Variants in ROBO2 observed in about 807,000 individuals in gnomAD.
ROBO2 encodes roundabout homolog 2.
In ROBO2, 53 loss-of-function variants were observed where a neutral mutation model predicts 160.8. The ratio of observed to expected loss-of-function variants is 0.33; its 90% CI spans 0.26 to 0.41. The LOEUF is 0.41. Among genes scored for constraint, ROBO2 ranks in the 10% least tolerant of loss-of-function variants. The pLI is 1.00. For synonymous variants in ROBO2, 664 were observed against 611.7 expected (o/e 1.09, Z -1.26); for missense variants, 1,577 against 1,722.4 (o/e 0.92, Z 1.49).
At chr3:77,608,436 T>C (rs2094566455) in intron 21 of ROBO2, among the ~76,000 whole-genome samples, 1 of 152,152 alleles carries the variant, frequency 6.6e-6, no homozygotes, top group Non-Finnish European at 1.5e-5. Flanking sequence ...AATCATCAGC[T>C]CTGATGGGAA....
chr3:76,401,725 TTACTC>T (rs1327823153), intron 2 of ROBO2, among the ~76,000 whole-genome samples: 5 of 151,236 alleles, frequency 3.3e-5, no homozygotes, highest in Non-Finnish European at 4.4e-5. Context: ...AATCAAACCT[TTACTC>T]TGACAAGAAC....
chr3:77,020,739 T>C (rs2062580729), intron 2 of ROBO2, among the ~76,000 whole-genome samples: 1 of 151,870 alleles, frequency 6.6e-6, no homozygotes, highest in Non-Finnish European at 1.5e-5. Flanking sequence ...AGTTTCCAAC[T>C]ATAAAGCGCT....
intron 2 of ROBO2, among the ~76,000 whole-genome samples, chr3:76,363,232 C>G (rs998399313): frequency 1.3e-5 from 2 of 151,962 alleles, no homozygotes; most frequent in Non-Finnish European, 2.9e-5. Flanking sequence ...CACACATGCA[C>G]ACACAGAGGG....
At chr3:77,584,298 C>T (rs2093988106) in intron 16 of ROBO2, among the ~76,000 whole-genome samples, 1 of 152,108 alleles carries the variant, frequency 6.6e-6, no homozygotes, top group South Asian at 2.1e-4. Flanking sequence ...GAAAGAAAGC[C>T]TCACCCCTGC....
chr3:76,738,866 C>T (rs2093756861), intron 2 of ROBO2, among the ~76,000 whole-genome samples: 1 of 151,738 alleles, frequency 6.6e-6, no homozygotes, highest in Admixed American at 6.6e-5. Context: ...AAAAATACTA[C>T]TACATGTTTG....
intron 2 of ROBO2, among the ~76,000 whole-genome samples, chr3:77,257,112 C>G (rs2058469362): frequency 6.6e-6 from 1 of 152,146 alleles, no homozygotes; most frequent in South Asian, 2.1e-4. Flanking sequence ...TAATTAAGAG[C>G]TATCAAAACA....
At chr3:76,790,488 ATTG>A (rs2063288628) in intron 2 of ROBO2, among the ~76,000 whole-genome samples, 1 of 151,736 alleles carries the variant, frequency 6.6e-6, no homozygotes, top group Non-Finnish European at 1.5e-5. Flanking sequence ...TGACAAACTC[ATTG>A]TTAAGTTGAA....
intron 2 of ROBO2, among the ~76,000 whole-genome samples, chr3:76,683,474 A>C (rs2092615185): frequency 6.6e-6 from 1 of 151,486 alleles, no homozygotes; most frequent in Non-Finnish European, 1.5e-5. Flanking sequence ...AAAAAAAAAA[A>C]AAAAAACCTG....
chr3:77,510,329 G>T (rs1179077787), intron 5 of ROBO2, among the ~76,000 whole-genome samples: 2 of 151,996 alleles, frequency 1.3e-5, no homozygotes, highest in Non-Finnish European at 2.9e-5. Context: ...ATCTAAGCAG[G>T]GTAGAGAAAA....
At chr3:76,557,007 G>C (rs2083837549) in intron 2 of ROBO2, among the ~76,000 whole-genome samples, 1 of 151,810 alleles carries the variant, frequency 6.6e-6, no homozygotes, top group Non-Finnish European at 1.5e-5. Flanking sequence ...TGAACATTTA[G>C]CTTATTTACA....
chr3:76,443,769 A>C (rs181546123), intron 2 of ROBO2, among the ~76,000 whole-genome samples: 1 of 152,232 alleles, frequency 6.6e-6, no homozygotes, highest in African/African-American at 2.4e-5. Context: ...AGAATCTAGA[A>C]TGTAGCTTAT....
chr3:75,959,942 A>G (rs1948852226), intron 2 of ROBO2, among the ~76,000 whole-genome samples: 1 of 151,944 alleles, frequency 6.6e-6, no homozygotes, highest in South Asian at 2.1e-4. Flanking sequence ...TACAGGACTC[A>G]CGTGTTTGTA....
At chr3:76,264,294 C>T (rs528048707) in intron 2 of ROBO2, among the ~76,000 whole-genome samples, 7 of 150,854 alleles carry the variant, frequency 4.6e-5, no homozygotes, top group African/African-American at 1.7e-4. Flanking sequence ...GTAATATTAC[C>T]CAACAGTGAC....
At chr3:77,098,397 T>G (rs2071391705) in intron 2 of ROBO2, 57 bp downstream of exon 2, 2 of 1,540,298 alleles carry the variant, frequency 1.3e-6, no homozygotes, top group Admixed American at 1.7e-5. Context: ...TTCAAGTAAG[T>G]TTTGATGTGT....
At chr3:77,272,732 G>C (rs989791754) in intron 2 of ROBO2, among the ~76,000 whole-genome samples, 14 of 152,078 alleles carry the variant, frequency 9.2e-5, no homozygotes, top group Non-Finnish European at 1.8e-4. Context: ...GTGGATCATA[G>C]TTCCATTATT....
At chr3:76,389,923 T>C (rs2077066991) in intron 2 of ROBO2, among the ~76,000 whole-genome samples, 1 of 152,178 alleles carries the variant, frequency 6.6e-6, no homozygotes, top group Non-Finnish European at 1.5e-5. Flanking sequence ...AGAGTTACAT[T>C]TATCTGTAGC....
chr3:76,311,415 G>A (rs551242297), intron 2 of ROBO2: 3 of 152,192 alleles, frequency 2.0e-5, no homozygotes, highest in African/African-American at 7.2e-5. Context: ...CCTTGGAAGG[G>A]GGGTAAGTGA....
chr3:76,544,511 T>C (rs1274931246), intron 2 of ROBO2, among the ~76,000 whole-genome samples: 2 of 152,072 alleles, frequency 1.3e-5, no homozygotes, highest in South Asian at 4.1e-4. Flanking sequence ...CTTTTTAAAT[T>C]CAAGTGTATT....
At chr3:77,288,727 T>A (rs1263923631) in intron 2 of ROBO2, among the ~76,000 whole-genome samples, 1 of 152,092 alleles carries the variant, frequency 6.6e-6, no homozygotes, top group Non-Finnish European at 1.5e-5. Context: ...GATCTACAAT[T>A]AGAGGATTGC....
Sources: gnomAD v4.1 joint callset for allele counts (sites outside exome capture counted in the v4.1 genomes callset) on GRCh38, gnomAD v4.1.1 for gene constraint, MANE v1.5 for transcripts, NCBI Gene and HGNC (gene_info 2026-07-23, HGNC 2026-07-21) for gene names.